SPICE1: variants seen among roughly 807,000 people sequenced by gnomAD.
SPICE1 encodes spindle and centriole-associated protein 1.
A neutral mutation model predicts 102.7 loss-of-function variants in SPICE1; 75 were observed. That is an observed-to-expected ratio of 0.73 (90% CI 0.61 to 0.88). SPICE1 has a LOEUF of 0.88. SPICE1 is among the 40% of genes least tolerant of loss of function. The pLI is 0.00. For missense variants in SPICE1, 979 were observed against 1,020.1 expected (o/e 0.96, Z 0.55); for synonymous variants, 308 against 350.3 (o/e 0.88, Z 1.35).
chr3:113,486,244 A>C (rs1387145714), intron 7 of SPICE1, among the ~76,000 whole-genome samples: 3 of 143,222 alleles, frequency 2.1e-5, no homozygotes, highest in Admixed American at 1.4e-4. Context: ...CCCACAAGAG[A>C]AAGCAGGAAA....
In SPICE1 at chr3:113,453,602, A is replaced by G; in HGVS notation, c.2006T>C (p.Met669Thr). The change falls in exon 14 of 18, where the codon ATG (methionine) becomes ACG (threonine). Residue 669 changes from methionine to threonine, a missense_variant. Met to Thr is a moderately conservative substitution (Grantham distance 81). Transcript: ENST00000295872. ...NESLIQRKDI[M>T]TRIADLTLQN... ...CAATGTCAAATCAGCAATTCGTGTC[A>G]TTATGTCCTTTCTTTGTATTAATGA... The G allele has an allele frequency of 6.2e-7, 1 of 1,614,128 alleles. No homozygotes were observed. Among genetic ancestry groups the G allele is most frequent in the Non-Finnish European group, 8.5e-7 (1 of 1,180,020 alleles).
chr3:113,475,344 C>T (rs1184144585), intron 7 of SPICE1, among the ~76,000 whole-genome samples: 2 of 152,160 alleles, frequency 1.3e-5, no homozygotes, highest in Non-Finnish European at 2.9e-5. Context: ...CAGCCAAATT[C>T]TACCAGAGGT....
Position 113,468,801 on chromosome 3 carries a change from C to T in SPICE1, c.850G>A (p.Val284Met), listed in dbSNP as rs73239152. ...TLDSSYVVGH[V>M]LNSRKQKQLL... ...TGTTTTTGCTTCCTTGAGTTCAGCACGTGTCCCACAACGTAGCTTGAGTCT... is the reference window on the plus strand; with the variant it reads ...TGTTTTTGCTTCCTTGAGTTCAGCATGTGTCCCACAACGTAGCTTGAGTCT... The change falls in exon 9 of 18, where the codon GTG becomes ATG. Residue 284 changes from valine to methionine, a missense_variant. Val to Met is a conservative substitution (Grantham distance 21). Transcript: ENST00000295872. The T allele has an allele frequency of 0.022, 35,459 of 1,613,992 alleles. 439 individuals carry two copies. Among genetic ancestry groups the T allele is most frequent in the Non-Finnish European group, 0.026 (30,544 of 1,179,938 alleles).
At chr3:113,460,195 T>C (rs1935896043) in intron 12 of SPICE1, 4 of 985,402 alleles carry the variant, frequency 4.1e-6, no homozygotes, top group Non-Finnish European at 4.8e-6. Flanking sequence ...TAAAACTCAG[T>C]ATTTTTCTCT....
chr3:113,486,862 GATAT>G (rs141247316), intron 7 of SPICE1, among the ~76,000 whole-genome samples: 6,221 of 143,970 alleles, frequency 0.043, 157 homozygotes, highest in East Asian at 0.11. Context: ...AAAATAAGGA[GATAT>G]ATATATATAT....
intron 7 of SPICE1, among the ~76,000 whole-genome samples, chr3:113,476,771 T>C (rs1351278839): frequency 3.3e-5 from 5 of 149,874 alleles, no homozygotes; most frequent in African/African-American, 1.2e-4. Context: ...TTACACCTTA[T>C]ACAAAAATCA....
intron 7 of SPICE1, among the ~76,000 whole-genome samples, chr3:113,471,044 T>A (rs1936182827): frequency 1.3e-5 from 2 of 152,272 alleles, no homozygotes; most frequent in Admixed American, 1.3e-4. Context: ...TTTGAGCTAA[T>A]GAGATTTAGA....
intron 4 of SPICE1, 38 bp downstream of exon 4, chr3:113,499,401 C>CTTTT: frequency 6.3e-7 from 1 of 1,586,830 alleles, no homozygotes; most frequent in Admixed American, 1.8e-5. Flanking sequence ...TATTTATCTC[C>CTTTT]TTTTTTTCTT....
intron 1 of SPICE1, among the ~76,000 whole-genome samples, chr3:113,511,215 A>C (rs960748777): frequency 6.6e-6 from 1 of 152,228 alleles, no homozygotes; most frequent in Non-Finnish European, 1.5e-5. Context: ...TTCCTCAAAG[A>C]CCTAGAACCA....
chr3:113,475,935 G>A (rs1936334332), intron 7 of SPICE1, among the ~76,000 whole-genome samples: 1 of 151,992 alleles, frequency 6.6e-6, no homozygotes, highest in African/African-American at 2.4e-5. Context: ...TTCTGGCCAG[G>A]GCAATTAGGC....
chr3:113,511,873 G>A (rs1158461819), intron 1 of SPICE1, among the ~76,000 whole-genome samples: 1 of 152,144 alleles, frequency 6.6e-6, no homozygotes, highest in Non-Finnish European at 1.5e-5. Flanking sequence ...AACAGGCAGA[G>A]CCAAGAGCTG....
chr3:113,512,433 G>A (rs1254140420), intron 1 of SPICE1, among the ~76,000 whole-genome samples: 16 of 127,606 alleles, frequency 1.3e-4, no homozygotes, highest in African/African-American at 1.7e-4. Flanking sequence ...TTTTTGAGAC[G>A]GAGTCTTGCT....
At chr3:113,460,441 C>T (rs1385220574) in intron 12 of SPICE1, 176 bp downstream of exon 12, 2 of 982,260 alleles carry the variant, frequency 2.0e-6, no homozygotes, top group East Asian at 2.3e-4. Context: ...AAGTATCTGG[C>T]ATAGAGCATG....
chr3:113,506,693 A>C, intron 1 of SPICE1, 88 bp from the exon 2 acceptor site: 1 of 1,028,556 alleles, frequency 9.7e-7, no homozygotes, highest in South Asian at 1.5e-5. Context: ...GAAAAAAAAA[A>C]CAAATTTTAA....
At position 113,494,891 on chromosome 3, in the gene SPICE1, G is replaced by C. The variant is rs192830853; in HGVS notation, c.292-749C>G. On this transcript the variant is annotated intron_variant, in intron 4 of 17. Coordinates refer to ENST00000295872, the MANE Select transcript of SPICE1 (RefSeq NM_144718.4). Reference sequence around the variant, plus strand: ...TTTGAAAAACACAGATGAAAGATATGAATCTTTGAGCCATAAACTTAGAGG... The same window carrying C: ...TTTGAAAAACACAGATGAAAGATATCAATCTTTGAGCCATAAACTTAGAGG... 2.6e-4 allele frequency among the ~76,000 whole-genome samples: 39 copies of C among 152,238 alleles called. No individual in the cohort carries two copies. In the East Asian group the frequency reaches 7.1e-3, roughly 28 times the overall value.
At chr3:113,471,213 G>T (rs1229309484) in intron 7 of SPICE1, among the ~76,000 whole-genome samples, 9 of 152,286 alleles carry the variant, frequency 5.9e-5, no homozygotes, top group Admixed American at 5.9e-4. Context: ...TGGCAAAAAA[G>T]GGGTAGGGGA....
chr3:113,468,584 C>T (rs1222503992), intron 9 of SPICE1, among the ~76,000 whole-genome samples, 178 bp downstream of exon 9: 1 of 152,176 alleles, frequency 6.6e-6, no homozygotes, highest in Non-Finnish European at 1.5e-5. Context: ...AATGAATGCA[C>T]TAGAACCACT....
intron 10 of SPICE1, 128 bp downstream of exon 10, chr3:113,468,010 AC>A: frequency 8.3e-7 from 1 of 1,198,406 alleles, no homozygotes; most frequent in Non-Finnish European, 1.2e-6. Context: ...ATAATCTAAA[AC>A]TGAGGTATTT....
At position 113,450,468 on chromosome 3, in the gene SPICE1, T is replaced by A. The variant is rs140072261; in HGVS notation, c.2191A>T (p.Ile731Phe). 5.0e-6 allele frequency: 8 copies of A among 1,613,250 alleles called. No individual in the cohort carries two copies. In the African/African-American group the frequency reaches 1.1e-4, roughly 22 times the overall value. The change falls in exon 15 of 18, where the codon ATT becomes TTT. Residue 731 changes from isoleucine (I) to phenylalanine (F), a missense_variant. Transcript: ENST00000295872. ...ATACTTTGTCGATTCAATTCTGCAA[T>A]CCGTTCCTCCATACTACCTGGTGTT... is the stretch of plus-strand genomic sequence containing the variant. Reference protein sequence around the residue: ...SLTPGSMEERIAELNRQSMEA... With the variant: ...SLTPGSMEERFAELNRQSMEA...
Sources: allele counts gnomAD v4.1 joint callset (sites outside exome capture counted in the v4.1 genomes callset), GRCh38; gene constraint gnomAD v4.1.1; transcripts MANE v1.5; gene names NCBI Gene and HGNC (gene_info 2026-07-23, HGNC 2026-07-21).